VPS52: variants seen among roughly 807,000 people sequenced by gnomAD.
The protein encoded by VPS52 is VPS52 subunit of GARP complex, also known as vacuolar protein sorting-associated protein 52 homolog.
Under a neutral mutation model 98.7 loss-of-function variants are expected in VPS52, and 56 were observed. That is an observed-to-expected ratio of 0.57 (90% CI 0.46 to 0.71). VPS52 has a LOEUF of 0.71. VPS52 is among the 30% of genes least tolerant of loss of function. VPS52 has a pLI of 0.00. For synonymous variants in VPS52, 348 were observed against 346.4 expected (o/e 1.00, Z -0.05); for missense variants, 742 against 925.9 (o/e 0.80, Z 2.58).
At chr6:33,270,106 TTGAG>T in intron 2 of VPS52, 55 bp from the exon 3 acceptor site, 1 of 1,613,358 alleles carries the variant, frequency 6.2e-7, no homozygotes, top group East Asian at 2.2e-5. Flanking sequence ...TCTCCCCACA[TTGAG>T]TATCTGCACA....
At position 33,268,765 on chromosome 6, in the gene VPS52, C is replaced by T. The variant is rs544180588; in HGVS notation, c.549-116G>A. ...GTCATCTCTACCACCTTGCATTGTA[C>T]CATATAGTCAGGACACATGTACAAA... On this transcript the variant is annotated intron_variant, in intron 6 of 19. Coordinates refer to ENST00000445902, the MANE Select transcript of VPS52 (RefSeq NM_022553.6). The surrounding 1 kb of genome is among the most constrained non-coding windows in gnomAD (Gnocchi z 4.0). The T allele has an allele frequency of 7.6e-7, 1 of 1,313,286 alleles. No homozygotes were observed. The highest frequency in any genetic ancestry group is 2.7e-5 in the Admixed American group (1 of 36,596). The allele number at this position is 1,313,286 out of a possible 1,614,324, so 81.4% of individuals were successfully genotyped here.
chr6:33,258,448 G>A (rs963761441), intron 17 of VPS52, among the ~76,000 whole-genome samples: 3 of 115,990 alleles, frequency 2.6e-5, no homozygotes, highest in East Asian at 2.6e-4. Flanking sequence ...AACACAGAAA[G>A]ACCCTCATCT....
intron 17 of VPS52, among the ~76,000 whole-genome samples, chr6:33,258,158 C>T (rs1204614348): frequency 1.3e-5 from 2 of 151,938 alleles, no homozygotes; most frequent in South Asian, 4.2e-4. Flanking sequence ...GAGGCTGAGG[C>T]GGATGGATCA....
intron 1 of VPS52, chr6:33,271,095 A>G (rs921477664): frequency 3.1e-6 from 1 of 325,200 alleles, no homozygotes; most frequent in Non-Finnish European, 5.7e-6. Context: ...ACCTCTGGGG[A>G]ACCCCAGGCT....
At chr6:33,254,718 G>A (rs1239029325) in intron 17 of VPS52, 1 of 149,946 alleles carries the variant, frequency 6.7e-6, no homozygotes, top group African/African-American at 2.5e-5. Context: ...CATCACCCAC[G>A]CTGGAGTGCA....
rs1410248538 is a variant in VPS52 at position 33,267,553 on chromosome 6, A to G, written c.991+129T>C. ...GTGCATCTTTCTGGGGAGGGAGGCT[A>G]TAGCTTTCATCACATTCTAAAAGGT... On this transcript the variant is annotated intron_variant, in intron 10 of 19. Transcript: ENST00000445902. The surrounding 1 kb of genome is among the most constrained non-coding windows in gnomAD (Gnocchi z 4.2). The G allele has an allele frequency of 8.0e-7, 1 of 1,254,158 alleles. No individual in the cohort carries two copies. The highest frequency in any genetic ancestry group is 1.1e-6 in the Non-Finnish European group (1 of 892,154). 77.7% of individuals were successfully genotyped at this position (1,254,158 alleles called of 1,614,324 possible).
At chr6:33,260,996 C>CT (rs1416581675) in intron 17 of VPS52, among the ~76,000 whole-genome samples, 1 of 150,334 alleles carries the variant, frequency 6.7e-6, no homozygotes, top group East Asian at 2.0e-4. Context: ...GAGACTCCGT[C>CT]TTTAAAAAAA....
Position 33,267,604 on chromosome 6 carries a change from A to G in VPS52, c.991+78T>C. On this transcript the variant is annotated intron_variant, in intron 10 of 19. Coordinates refer to ENST00000445902, the MANE Select transcript of VPS52 (RefSeq NM_022553.6). This position sits in a 1 kb window ranked among gnomAD's most constrained non-coding sequence, Gnocchi z 4.2. ...TTCAGTCCCATAGGAAAAGGTAAGG[A>G]GCAGTGCATTGGTGGCTGGAGTCGA... 1.3e-6 allele frequency: 2 copies of G among 1,527,104 alleles called. No homozygotes were observed. Among genetic ancestry groups the G allele is most frequent in the Non-Finnish European group, 9.0e-7 (1 of 1,107,388 alleles). The allele number at this position is 1,527,104 out of a possible 1,614,324, so 94.6% of individuals were successfully genotyped here.
At position 33,268,176 on chromosome 6, in the gene VPS52, C is replaced by A. The variant is rs764459959; in HGVS notation, c.732G>T (p.Gln244His). The change falls in exon 8 of 20, where the codon CAG (glutamine) becomes CAT (histidine). Residue 244 changes from glutamine (Q) to histidine (H), a missense_variant. By Grantham distance (24) the Gln-to-His change is conservative (BLOSUM62 0). Around this residue, in one of 2 missense-constraint regions of VPS52, gnomAD observed 590 missense variants for 793.3 expected, o/e 0.74. Transcript: ENST00000445902. The surrounding 1 kb of genome is among the most constrained non-coding windows in gnomAD (Gnocchi z 4.0). ...AVTKIREFIL[Q>H]KIYSFRKPMT... is the part of the protein sequence containing the mutation. ...TGGGTTTCCTGAAGGAATAAATCTT[C>A]TGGAGGATAAACTCTCGGATCTTCG... is the stretch of plus-strand genomic sequence containing the variant. 10 of 1,612,982 alleles carry A rather than the reference C, an allele frequency of 6.2e-6. No homozygotes were observed. Among genetic ancestry groups the A allele is most frequent in the Non-Finnish European group, 8.5e-6 (10 of 1,180,044 alleles).
In VPS52 at chr6:33,269,988, G is replaced by A. The variant is rs1764809960; in HGVS notation, c.228+11C>T. 6.2e-7 allele frequency: 1 copy of A among 1,613,968 alleles called. No individual in the cohort carries two copies. Among genetic ancestry groups the A allele is most frequent in the Non-Finnish European group, 8.5e-7 (1 of 1,180,022 alleles). On this transcript the variant is annotated intron_variant, in intron 3 of 19. Transcript: ENST00000445902. Reference sequence around the variant, plus strand: ...GATAGAAGGGCAGATTAGTACAGGGGAAAGCCTCACCGTTTTAAGAGCTTC... The same window carrying A: ...GATAGAAGGGCAGATTAGTACAGGGAAAAGCCTCACCGTTTTAAGAGCTTC...
chr6:33,259,515 A>ACAAAT (rs1294185673), intron 17 of VPS52, among the ~76,000 whole-genome samples: 2 of 152,204 alleles, frequency 1.3e-5, no homozygotes, highest in Admixed American at 6.5e-5. Flanking sequence ...TCAGAAAATT[A>ACAAAT]CAAATAAAAC....
intron 17 of VPS52, among the ~76,000 whole-genome samples, chr6:33,260,301 T>C (rs916715807): frequency 2.6e-5 from 4 of 152,088 alleles, no homozygotes; most frequent in Admixed American, 2.0e-4. Flanking sequence ...AGTGGTCCTC[T>C]CGCCTTTGTC....
At chr6:33,255,091 T>C (rs1762772785) in intron 17 of VPS52, 1 of 152,228 alleles carries the variant, frequency 6.6e-6, no homozygotes, top group Admixed American at 6.5e-5. Flanking sequence ...TTTAAAATTA[T>C]TTAAGTGGCT....
rs149288686 is a variant in VPS52, at chr6:33,253,873, G to A, written c.1795-1902C>T. ...GGACACAGAAGGAGGATAAGCAATA[G>A]GTGTTGGTATAGATGAAACAAAACT... On this transcript the variant is annotated intron_variant, in intron 17 of 19. Coordinates refer to ENST00000445902, the MANE Select transcript of VPS52 (RefSeq NM_022553.6). 2.1e-3 allele frequency among the ~76,000 whole-genome samples: 320 copies of A among 152,260 alleles called. 1 individual carries two copies. Among genetic ancestry groups the A allele is most frequent in the African/African-American group, 7.2e-3 (299 of 41,536 alleles).
chr6:33,264,394 A>G lies in VPS52; in HGVS notation c.1504T>C (p.Leu502=). The G allele has an allele frequency of 6.2e-7, 1 of 1,613,780 alleles. No individual in the cohort carries two copies. Among genetic ancestry groups the G allele is most frequent in the Non-Finnish European group, 8.5e-7 (1 of 1,179,946 alleles). ...RSTDPQRLGG[L]DTRPHYITRR... ...CTCACATAGTGGGGCCGAGTATCCA[A>G]CCCCCCTAGGCGCTGGGGGTCAGTG... Residue 502 remains leucine (L), a synonymous_variant, in exon 14 of 20, where the codon TTG becomes CTG. Coordinates refer to ENST00000445902, the MANE Select transcript of VPS52 (RefSeq NM_022553.6).
chr6:33,268,981 T>C lies in VPS52; in HGVS notation c.548+33A>G, dbSNP rs781081897. The stretch of plus-strand genomic sequence containing the variant: ...GTCACCCCAGCCCATCCACCTGCTA[T>C]GGACATTATAACCCTTCAAACTGGT... On this transcript the variant is annotated intron_variant, in intron 6 of 19. Transcript: ENST00000445902. This position sits in a 1 kb window ranked among gnomAD's most constrained non-coding sequence, Gnocchi z 4.0. 5.0e-6 allele frequency: 8 copies of C among 1,609,240 alleles called. No individual in the cohort carries two copies. In the African/African-American group the frequency reaches 8.0e-5, roughly 16 times the overall value.
chr6:33,268,595 C>T lies in VPS52; in HGVS notation c.603G>A (p.Glu201=), dbSNP rs774522874. 1.2e-6 allele frequency: 2 copies of T among 1,611,350 alleles called. No homozygotes were observed. Among genetic ancestry groups the T allele is most frequent in the South Asian group, 2.2e-5 (2 of 91,084 alleles). ...TGACTGCGGCTGCCTTGGCATCCAGCTCCTGTAGCTGCTCCAAGAACCTGG... is the reference window on the plus strand; with the variant it reads ...TGACTGCGGCTGCCTTGGCATCCAGTTCCTGTAGCTGCTCCAAGAACCTGG... ...TEPRFLEQLQ[E]LDAKAAAVRE... The change falls in exon 7 of 20, where the codon GAG becomes GAA. Residue 201 remains glutamate (E), a synonymous_variant. Transcript: ENST00000445902. The surrounding 1 kb of genome is among the most constrained non-coding windows in gnomAD (Gnocchi z 4.0).
In VPS52 at chr6:33,271,689, A is replaced by G; in HGVS notation, c.-14T>C. 1 of 1,599,920 alleles carries G rather than the reference A, an allele frequency of 6.3e-7. No individual in the cohort carries two copies. The highest frequency in any genetic ancestry group is 8.5e-7 in the Non-Finnish European group (1 of 1,172,636). ...AGCGGCGGCCATTCCCCGCAGCCTC[A>G]CTTCCGGCAACTGTCAGTCCCGGCG... On this transcript the variant is annotated 5_prime_UTR_variant, in exon 1 of 20. Coordinates refer to ENST00000445902, the MANE Select transcript of VPS52 (RefSeq NM_022553.6).
In VPS52 at chr6:33,267,976, C is replaced by T. The variant is rs755294872; in HGVS notation, c.822G>A (p.Leu274=). The change falls in exon 9 of 20, where the codon CTG becomes CTA. Residue 274 remains leucine (L), a synonymous_variant. Coordinates refer to ENST00000445902, the MANE Select transcript of VPS52 (RefSeq NM_022553.6). The surrounding 1 kb of genome is among the most constrained non-coding windows in gnomAD (Gnocchi z 4.2). ...LKYRFFYQFL[L]GNERATAKEI... The stretch of plus-strand genomic sequence containing the variant: ...CCTTTGCTGTTGCTCGTTCATTGCC[C>T]AGCAGAAACTGATAGAAGAACCTAG... 3.7e-6 allele frequency: 6 copies of T among 1,613,054 alleles called. No individual in the cohort carries two copies. In the South Asian group the frequency reaches 6.6e-5, roughly 18 times the overall value.
Sources: allele counts gnomAD v4.1 joint callset (sites outside exome capture counted in the v4.1 genomes callset), GRCh38; gene constraint gnomAD v4.1.1; regional missense constraint gnomAD v4.1.1; non-coding constraint Gnocchi (gnomAD v3.1); transcripts MANE v1.5; gene names NCBI Gene and HGNC (gene_info 2026-07-23, HGNC 2026-07-21).